ANO3: variants seen among roughly 807,000 people sequenced by gnomAD.
The protein encoded by ANO3 is anoctamin 3.
ANO3 carries 99 observed loss-of-function variants against 144.8 expected under a neutral mutation model. The observed-to-expected ratio is 0.68, with a 90% confidence interval of 0.58 to 0.81. The LOEUF is 0.81. Among genes scored for constraint, ANO3 ranks in the 30% least tolerant of loss-of-function variants. The pLI is 0.00. For missense variants in ANO3, 905 were observed against 1,202.2 expected, an observed-to-expected ratio of 0.75 and a Z score of 3.66; for synonymous variants, 414 against 392.6, an observed-to-expected ratio of 1.05 and a Z score of -0.64.
intron 1 of ANO3, among the ~76,000 whole-genome samples, chr11:26,255,545 G>T (rs1853037800): frequency 6.6e-6 from 1 of 151,964 alleles, no homozygotes; most frequent in Non-Finnish European, 1.5e-5. Flanking sequence ...TTTACCTTGA[G>T]CCATATTAAT....
intron 18 of ANO3, among the ~76,000 whole-genome samples, chr11:26,629,450 G>C (rs755035619): frequency 6.6e-6 from 1 of 151,498 alleles, no homozygotes; most frequent in Non-Finnish European, 1.5e-5. Context: ...AAATTCTTAC[G>C]GCCAAGAATT....
At chr11:26,637,790 T>C (rs1177992724) in intron 20 of ANO3, among the ~76,000 whole-genome samples, 1 of 148,938 alleles carries the variant, frequency 6.7e-6, no homozygotes, top group Admixed American at 6.7e-5. Context: ...TTATTTGTTC[T>C]CTTTGAAGTT....
chr11:26,200,207 G>T (rs1033440077), intron 1 of ANO3, among the ~76,000 whole-genome samples: 1 of 152,112 alleles, frequency 6.6e-6, no homozygotes, highest in African/African-American at 2.4e-5. Flanking sequence ...AAGCTAACCT[G>T]AACTAGGAGC....
At chr11:26,310,527 C>T (rs927387195) in intron 1 of ANO3, among the ~76,000 whole-genome samples, 1 of 152,086 alleles carries the variant, frequency 6.6e-6, no homozygotes, top group Admixed American at 6.6e-5. Context: ...GAGAGGTGTA[C>T]ATTGGACTAC....
intron 1 of ANO3, among the ~76,000 whole-genome samples, chr11:26,272,647 G>C (rs1269577007): frequency 6.6e-6 from 1 of 152,142 alleles, no homozygotes; most frequent in Non-Finnish European, 1.5e-5. Context: ...TCAAGATCAG[G>C]AGAAGCAGCT....
intron 1 of ANO3, among the ~76,000 whole-genome samples, chr11:26,291,146 C>T (rs1305656089): frequency 2.0e-5 from 3 of 152,142 alleles, no homozygotes; most frequent in Non-Finnish European, 4.4e-5. Context: ...TTGAATTGAT[C>T]CCTTTACCAT....
At chr11:26,337,037 A>AC (rs1243165552) in intron 1 of ANO3, among the ~76,000 whole-genome samples, 6 of 152,186 alleles carry the variant, frequency 3.9e-5, no homozygotes, top group African/African-American at 1.4e-4. Flanking sequence ...TTTAATTTTC[A>AC]CCCTTCTCTT....
At chr11:26,460,989 C>A (rs1260067777) in intron 3 of ANO3, among the ~76,000 whole-genome samples, 1 of 152,044 alleles carries the variant, frequency 6.6e-6, no homozygotes, top group African/African-American at 2.4e-5. Flanking sequence ...TGCCTGCTCC[C>A]CAACAGCACA....
intron 1 of ANO3, among the ~76,000 whole-genome samples, chr11:26,429,392 A>T (rs1858013288): frequency 6.6e-6 from 1 of 152,060 alleles, no homozygotes; most frequent in Non-Finnish European, 1.5e-5. Flanking sequence ...AGATAAGGAC[A>T]TTATAAAATA....
chr11:26,621,490 A>G (rs1852414575), intron 17 of ANO3, among the ~76,000 whole-genome samples: 1 of 152,138 alleles, frequency 6.6e-6, no homozygotes. Flanking sequence ...TTCTCTGCTC[A>G]GATGCTACCC....
rs190663725 is a variant in ANO3, at chr11:26,348,790, A to T, written c.46+16469A>T. Among the ~76,000 whole-genome samples, 229 of 152,338 alleles carry T rather than the reference A, an allele frequency of 1.5e-3. 2 individuals carry two copies. Among genetic ancestry groups the T allele is most frequent in the African/African-American group, 5.2e-3 (217 of 41,584 alleles). On this transcript the variant is annotated intron_variant, in intron 1 of 26. Coordinates refer to ENST00000256737, the MANE Select transcript of ANO3 (RefSeq NM_031418.4). Reference sequence around the variant, plus strand: ...ATCAGAAATGTTATTTGCTCTCCCAAGACGTCACATTCTTATGGTGAAACT... The same window carrying T: ...ATCAGAAATGTTATTTGCTCTCCCATGACGTCACATTCTTATGGTGAAACT...
At chr11:26,430,044 G>A (rs371482119) in intron 1 of ANO3, among the ~76,000 whole-genome samples, 7 of 152,000 alleles carry the variant, frequency 4.6e-5, no homozygotes, top group African/African-American at 1.7e-4. Flanking sequence ...TTGAGATCGA[G>A]AACATCCTGG....
intron 1 of ANO3, among the ~76,000 whole-genome samples, chr11:26,296,891 C>A (rs1854103019): frequency 6.6e-6 from 1 of 152,090 alleles, no homozygotes. Flanking sequence ...GAACTTGAAG[C>A]TGAAACACTT....
chr11:26,450,869 G>A (rs1033648408), intron 3 of ANO3, among the ~76,000 whole-genome samples: 4 of 152,112 alleles, frequency 2.6e-5, no homozygotes, highest in African/African-American at 9.7e-5. Context: ...TAGTAAAGAA[G>A]AATGACTGAG....
intron 1 of ANO3, among the ~76,000 whole-genome samples, chr11:26,206,379 T>C (rs1851794921): frequency 6.6e-6 from 1 of 152,146 alleles, no homozygotes; most frequent in Admixed American, 6.6e-5. Flanking sequence ...TAAATAAACT[T>C]GCTATGTGTT....
At chr11:26,465,319 G>A (rs1230894619) in intron 4 of ANO3, among the ~76,000 whole-genome samples, 4 of 151,404 alleles carry the variant, frequency 2.6e-5, no homozygotes, top group Non-Finnish European at 4.4e-5. Flanking sequence ...TAGATAGATA[G>A]TTAAATTATA....
chr11:26,486,586 A>T (rs1478523768), intron 4 of ANO3, among the ~76,000 whole-genome samples: 1 of 152,114 alleles, frequency 6.6e-6, no homozygotes, highest in Non-Finnish European at 1.5e-5. Context: ...TTAGATAAGC[A>T]ATTATTCCTT....
chr11:26,280,907 G>C (rs1853663687), intron 1 of ANO3, among the ~76,000 whole-genome samples: 1 of 152,218 alleles, frequency 6.6e-6, no homozygotes, highest in African/African-American at 2.4e-5. Flanking sequence ...ACAGCAATTG[G>C]GAAGCTGGAC....
chr11:26,343,744 G>C (rs545159209), intron 1 of ANO3, among the ~76,000 whole-genome samples: 1 of 152,114 alleles, frequency 6.6e-6, no homozygotes, highest in South Asian at 2.1e-4. Context: ...TTCTGTATAC[G>C]AGTGTATGAC....
Sources: allele counts gnomAD v4.1 joint callset (sites outside exome capture counted in the v4.1 genomes callset), GRCh38; gene constraint gnomAD v4.1.1; transcripts MANE v1.5; gene names NCBI Gene and HGNC (gene_info 2026-07-23, HGNC 2026-07-21).